The following GABRG3 variants were observed in gnomAD, a reference collection of about 807,000 sequenced individuals.
GABRG3 encodes the protein gamma-aminobutyric acid type A receptor subunit gamma3.
A neutral mutation model predicts 48.8 loss-of-function variants in GABRG3; 25 were observed. That is an observed-to-expected ratio of 0.51 (90% CI 0.37 to 0.72). GABRG3 has a LOEUF of 0.72. Ranked by LOEUF, GABRG3 falls within the 30% of genes least tolerant of loss-of-function variation. The pLI is 0.00. For synonymous variants in GABRG3, 227 were observed against 217.6 expected (o/e 1.04, Z -0.38); for missense variants, 394 against 577.9 (o/e 0.68, Z 3.26).
chr15:27,424,998 G>A (rs1371549581), intron 5 of GABRG3, among the ~76,000 whole-genome samples: 1 of 152,166 alleles, frequency 6.6e-6, no homozygotes, highest in Admixed American at 6.5e-5. Context: ...AGTCACATTT[G>A]CACTTGACCA....
intron 3 of GABRG3, among the ~76,000 whole-genome samples, chr15:27,054,348 C>T (rs1595496314): frequency 6.6e-6 from 1 of 152,098 alleles, no homozygotes; most frequent in Non-Finnish European, 1.5e-5. Flanking sequence ...CCGATCAAAG[C>T]CCAAACCTCA....
At chr15:27,166,598 C>T (rs78411240) in intron 3 of GABRG3, among the ~76,000 whole-genome samples, 4,287 of 152,136 alleles carry the variant, frequency 0.028, 211 homozygotes, top group African/African-American at 0.098. Flanking sequence ...TCCCATGACT[C>T]GCAGCCCACC....
chr15:27,424,040 GTTAAC>G (rs891637951), intron 5 of GABRG3, among the ~76,000 whole-genome samples: 3 of 152,050 alleles, frequency 2.0e-5, no homozygotes, highest in African/African-American at 7.2e-5. Flanking sequence ...GCAGGAAAGA[GTTAAC>G]TTTGCCCAAA....
rs541553264 is a variant in GABRG3 at position 26,986,446 on chromosome 15, C to G, written c.202+9296C>G. Reference sequence around the variant, plus strand: ...CCGCCGAGTTCAGACCTCAGCTTAACACACGTTGGCGGCTGAACTTTCCCC... The same window carrying G: ...CCGCCGAGTTCAGACCTCAGCTTAAGACACGTTGGCGGCTGAACTTTCCCC... On this transcript the variant is annotated intron_variant, in intron 2 of 9. Coordinates refer to ENST00000615808, the MANE Select transcript of GABRG3 (RefSeq NM_033223.5). Among the ~76,000 whole-genome samples, 370 of 152,270 alleles carry G rather than the reference C, an allele frequency of 2.4e-3. 1 individual carries two copies. Among genetic ancestry groups the G allele is most frequent in the African/African-American group, 8.5e-3 (354 of 41,554 alleles).
rs753820583 is a variant in GABRG3, at chr15:27,432,626, A to G, written c.575-48024A>G. Among the ~76,000 whole-genome samples the G allele has an allele frequency of 2.0e-4, 30 of 152,332 alleles. No homozygotes were observed. In the South Asian group the frequency reaches 2.3e-3, roughly 12 times the overall value. ...TCCAGCCACAGTCTCAGGTTTTTCCAGAACACATTTTTCTGACTGAATTTC... is the reference window on the plus strand; with the variant it reads ...TCCAGCCACAGTCTCAGGTTTTTCCGGAACACATTTTTCTGACTGAATTTC... On this transcript the variant is annotated intron_variant, in intron 5 of 9. Transcript: ENST00000615808.
chr15:27,433,722 G>A (rs188174949), intron 5 of GABRG3, among the ~76,000 whole-genome samples: 52 of 152,182 alleles, frequency 3.4e-4, no homozygotes, highest in African/African-American at 1.2e-3. Flanking sequence ...TTGCTCTATC[G>A]CTATGGAAAG....
chr15:27,392,570 C>T (rs980737572), intron 5 of GABRG3, among the ~76,000 whole-genome samples: 1 of 152,174 alleles, frequency 6.6e-6, no homozygotes, highest in Non-Finnish European at 1.5e-5. Context: ...CACGTTGCTT[C>T]CCTGTAAAGT....
chr15:27,476,375 A>T (rs2150842799), intron 5 of GABRG3, among the ~76,000 whole-genome samples: 1 of 150,846 alleles, frequency 6.6e-6, no homozygotes, highest in East Asian at 2.3e-4. Flanking sequence ...CACTTTAAAA[A>T]TGTGTGTAAA....
In GABRG3 at chr15:27,258,350, C is replaced by A. The variant is rs564909819; in HGVS notation, c.271-68459C>A. Among the ~76,000 whole-genome samples, 174 of 152,318 alleles carry A rather than the reference C, an allele frequency of 1.1e-3. 1 individual carries two copies. Among genetic ancestry groups the A allele is most frequent in the African/African-American group, 4.0e-3 (167 of 41,576 alleles). ...CCATTCACCTCTGTCTCTCCTCCCC[C>A]TCTAGTTTCCAGGTTCACCTTGTTC... On this transcript the variant is annotated intron_variant, in intron 3 of 9. Transcript: ENST00000615808.
chr15:27,226,950 A>G (rs189602995), intron 3 of GABRG3, among the ~76,000 whole-genome samples: 3 of 152,294 alleles, frequency 2.0e-5, no homozygotes, highest in Admixed American at 6.5e-5. Flanking sequence ...AAGCAGTACT[A>G]TTTATCCCCA....
chr15:27,404,977 A>G (rs1887589016), intron 5 of GABRG3, among the ~76,000 whole-genome samples: 1 of 152,218 alleles, frequency 6.6e-6, no homozygotes, highest in Non-Finnish European at 1.5e-5. Context: ...AGAATAGCTT[A>G]TACTTTGAGA....
chr15:27,441,942 G>A (rs1009853451), intron 5 of GABRG3, among the ~76,000 whole-genome samples: 1 of 152,192 alleles, frequency 6.6e-6, no homozygotes, highest in African/African-American at 2.4e-5. Context: ...ATAATGTGCA[G>A]ATTTCCCAAA....
chr15:27,032,082 G>C (rs1896096739), intron 3 of GABRG3, among the ~76,000 whole-genome samples: 2 of 152,092 alleles, frequency 1.3e-5, no homozygotes, highest in South Asian at 4.1e-4. Context: ...TTTTATGCTT[G>C]TGCTGTTTTT....
intron 6 of GABRG3, among the ~76,000 whole-genome samples, chr15:27,497,457 T>C (rs192179870): frequency 7.2e-5 from 11 of 152,364 alleles, no homozygotes; most frequent in Admixed American, 5.2e-4. Context: ...ATTGTTCTAG[T>C]GTCTTCAGAC....
At chr15:27,491,128 T>C (rs531475918) in intron 6 of GABRG3, among the ~76,000 whole-genome samples, 132 of 152,288 alleles carry the variant, frequency 8.7e-4, no homozygotes, top group Non-Finnish European at 1.0e-3. Context: ...CCTCCTTCCT[T>C]GCTGTGCTAC....
rs547610776 is a variant in GABRG3 at position 27,197,819 on chromosome 15, T to C, written c.271-128990T>C. On this transcript the variant is annotated intron_variant, in intron 3 of 9. Coordinates refer to ENST00000615808, the MANE Select transcript of GABRG3 (RefSeq NM_033223.5). ...TTGGTCTATTCAGGGAGTAGACTTCTTCCTGGTTTAGTCTTGGGAGGATGT... is the reference window on the plus strand; with the variant it reads ...TTGGTCTATTCAGGGAGTAGACTTCCTCCTGGTTTAGTCTTGGGAGGATGT... Among the ~76,000 whole-genome samples the C allele has an allele frequency of 3.3e-5, 5 of 152,288 alleles. No homozygotes were observed. In the South Asian group the frequency reaches 6.2e-4, roughly 19 times the overall value.
At chr15:27,323,514 A>T (rs574545613) in intron 3 of GABRG3, among the ~76,000 whole-genome samples, 1 of 152,202 alleles carries the variant, frequency 6.6e-6, no homozygotes. Context: ...CCATTCTCAC[A>T]TACTGAATTT....
intron 5 of GABRG3, among the ~76,000 whole-genome samples, chr15:27,463,510 C>G (rs1410046175): frequency 2.0e-5 from 3 of 152,190 alleles, no homozygotes; most frequent in Admixed American, 2.0e-4. Context: ...CTGAAACTCC[C>G]TGGCCCTCAT....
chr15:27,151,132 T>G (rs1898303836), intron 3 of GABRG3, among the ~76,000 whole-genome samples: 1 of 152,176 alleles, frequency 6.6e-6, no homozygotes, highest in Non-Finnish European at 1.5e-5. Context: ...CTTGCAAAAC[T>G]ATACTACAGT....
Sources: gnomAD v4.1 joint callset for allele counts (sites outside exome capture counted in the v4.1 genomes callset) on GRCh38, gnomAD v4.1.1 for gene constraint, MANE v1.5 for transcripts, NCBI Gene and HGNC (gene_info 2026-07-23, HGNC 2026-07-21) for gene names.